Variants in RPS6KC1 observed in about 807,000 individuals in gnomAD.
RPS6KC1 encodes inactive ribosomal protein S6 kinase delta-1.
In RPS6KC1, 54 loss-of-function variants were observed where a neutral mutation model predicts 103.8. The ratio of observed to expected loss-of-function variants is 0.52; its 90% CI spans 0.42 to 0.65. RPS6KC1 has a LOEUF of 0.65. RPS6KC1 is among the 30% of genes least tolerant of loss of function. RPS6KC1 has a pLI of 0.00. For missense variants in RPS6KC1, 1,151 were observed against 1,253.8 expected, an observed-to-expected ratio of 0.92 and a Z score of 1.24; for synonymous variants, 439 against 438.7, an observed-to-expected ratio of 1.00 and a Z score of -0.01.
At chr1:213,105,762 T>A (rs535184044) in intron 4 of RPS6KC1, among the ~76,000 whole-genome samples, 23 of 152,346 alleles carry the variant, frequency 1.5e-4, no homozygotes, top group African/African-American at 5.5e-4. Flanking sequence ...ATCTTTAGGA[T>A]AAAGGCCAAA....
chr1:213,715,716 G>A, the RPS6KC1 span, among the ~76,000 whole-genome samples: 1 of 152,168 alleles, frequency 6.6e-6, no homozygotes, highest in Non-Finnish European at 1.5e-5. Context: ...AATGCAATTG[G>A]ATCAGATTAG....
intron 8 of RPS6KC1, among the ~76,000 whole-genome samples, chr1:213,181,242 C>T (rs909445170): frequency 6.6e-6 from 1 of 152,146 alleles, no homozygotes; most frequent in Non-Finnish European, 1.5e-5. Context: ...CGGTGAAGAT[C>T]GTATATCTGG....
intron 12 of RPS6KC1, among the ~76,000 whole-genome samples, chr1:213,257,505 T>C (rs1009501615): frequency 4.6e-5 from 7 of 152,174 alleles, no homozygotes; most frequent in African/African-American, 1.7e-4. Flanking sequence ...GGCACATAAA[T>C]ACAATATTCT....
the RPS6KC1 span, among the ~76,000 whole-genome samples, chr1:213,689,993 A>G: frequency 3.3e-5 from 5 of 152,034 alleles, no homozygotes; most frequent in African/African-American, 9.7e-5. Context: ...CACATTTCCA[A>G]GCTCTCATCC....
At chr1:213,157,487 G>T (rs537984807) in intron 6 of RPS6KC1, among the ~76,000 whole-genome samples, 3 of 152,168 alleles carry the variant, frequency 2.0e-5, no homozygotes, top group African/African-American at 7.2e-5. Flanking sequence ...GATTACAGAC[G>T]TGAGCCACCA....
chr1:213,454,636 T>C, the RPS6KC1 span, among the ~76,000 whole-genome samples: 1 of 152,234 alleles, frequency 6.6e-6, no homozygotes, highest in African/African-American at 2.4e-5. Flanking sequence ...TGTGTGTATG[T>C]GTGATTTTTC....
At chr1:213,489,423 G>A in the RPS6KC1 span, among the ~76,000 whole-genome samples, 2 of 152,148 alleles carry the variant, frequency 1.3e-5, no homozygotes, top group African/African-American at 4.8e-5. Flanking sequence ...TGCAAGCTGG[G>A]TTTGTGGATG....
chr1:213,704,856 G>A, the RPS6KC1 span, among the ~76,000 whole-genome samples: 1 of 152,248 alleles, frequency 6.6e-6, no homozygotes, highest in Non-Finnish European at 1.5e-5. Flanking sequence ...GTAAAGCCAT[G>A]GCTCTTGCAG....
intron 5 of RPS6KC1, among the ~76,000 whole-genome samples, chr1:213,120,652 C>T (rs2084276209): frequency 6.6e-6 from 1 of 152,058 alleles, no homozygotes; most frequent in Non-Finnish European, 1.5e-5. Flanking sequence ...AAGTGATTCA[C>T]CCCATGAAAA....
chr1:213,558,507 A>G, the RPS6KC1 span, among the ~76,000 whole-genome samples: 1 of 152,188 alleles, frequency 6.6e-6, no homozygotes, highest in Non-Finnish European at 1.5e-5. Context: ...ACTGTAGCCA[A>G]TGTTTTGACT....
intron 1 of RPS6KC1, among the ~76,000 whole-genome samples, chr1:213,066,119 C>T (rs1216820925): frequency 2.0e-5 from 3 of 152,110 alleles, no homozygotes; most frequent in Non-Finnish European, 2.9e-5. Context: ...TCAAATTTTC[C>T]CTATGCCTAG....
chr1:213,837,924 T>C, the RPS6KC1 span, among the ~76,000 whole-genome samples: 1 of 152,158 alleles, frequency 6.6e-6, no homozygotes. Context: ...ACTAGATGAA[T>C]TTATGTGCAC....
At chr1:213,709,652 A>G in the RPS6KC1 span, among the ~76,000 whole-genome samples, 1 of 152,142 alleles carries the variant, frequency 6.6e-6, no homozygotes, top group African/African-American at 2.4e-5. Context: ...TCCAGTGGGC[A>G]TTTATTGCTA....
intron 3 of RPS6KC1, among the ~76,000 whole-genome samples, chr1:213,090,625 A>AT (rs2148654677): frequency 6.6e-6 from 1 of 152,216 alleles, no homozygotes; most frequent in East Asian, 1.9e-4. Context: ...TTTTTAATTA[A>AT]TTTTTCTACA....
At chr1:213,385,485 T>C in the RPS6KC1 span, among the ~76,000 whole-genome samples, 1 of 152,186 alleles carries the variant, frequency 6.6e-6, no homozygotes, top group Non-Finnish European at 1.5e-5. Flanking sequence ...GGAGATTTGA[T>C]ACTGTATGGT....
At chr1:213,231,708 A>C (rs955138802) in intron 9 of RPS6KC1, among the ~76,000 whole-genome samples, 55 of 152,218 alleles carry the variant, frequency 3.6e-4, no homozygotes, top group African/African-American at 1.1e-3. Context: ...TAGGATTTTA[A>C]AATTGCCTGC....
At chr1:213,422,174 T>C in the RPS6KC1 span, among the ~76,000 whole-genome samples, 5 of 152,296 alleles carry the variant, frequency 3.3e-5, no homozygotes, top group East Asian at 5.8e-4. Context: ...CCAGCTCCCA[T>C]TCCCTCCTTC....
chr1:213,724,360 G>A, the RPS6KC1 span, among the ~76,000 whole-genome samples: 74 of 152,330 alleles, frequency 4.9e-4, no homozygotes, highest in African/African-American at 1.8e-3. Flanking sequence ...GATTACAGGT[G>A]TGAGCCACTG....
chr1:213,129,997 A>G (rs2085421801), intron 6 of RPS6KC1, 108 bp downstream of exon 6: 1 of 1,128,926 alleles, frequency 8.9e-7, no homozygotes, highest in Non-Finnish European at 1.2e-6. Flanking sequence ...AATACTGAAA[A>G]TGAGAAATTA....
Sources: allele counts gnomAD v4.1 joint callset (sites outside exome capture counted in the v4.1 genomes callset), GRCh38; gene constraint gnomAD v4.1.1; transcripts MANE v1.5; gene names NCBI Gene and HGNC (gene_info 2026-07-23, HGNC 2026-07-21).